NTRK3: variants seen among roughly 807,000 people sequenced by gnomAD.
NTRK3 encodes the protein neurotrophic receptor tyrosine kinase 3.
A neutral mutation model predicts 91.7 loss-of-function variants in NTRK3; 24 were observed. The ratio of observed to expected loss-of-function variants is 0.26; its 90% CI spans 0.19 to 0.37. NTRK3 has a LOEUF of 0.37. Among genes scored for constraint, NTRK3 ranks in the 10% least tolerant of loss-of-function variants. NTRK3 has a pLI of 1.00. For missense variants in NTRK3, 880 were observed against 1,068.9 expected (o/e 0.82, Z 2.46); for synonymous variants, 483 against 404.0 (o/e 1.20, Z -2.34).
At position 88,190,432 on chromosome 15, in the gene NTRK3, T is replaced by C. The variant is rs1597857725; in HGVS notation, c.249-6133A>G. Reference sequence around the variant, plus strand: ...GACCAGCCTAATGAGCCTGCCAGGCTGTAGCACAGCAAAACCCTCAGAAGC... The same window carrying C: ...GACCAGCCTAATGAGCCTGCCAGGCCGTAGCACAGCAAAACCCTCAGAAGC... On this transcript the variant is annotated intron_variant, in intron 3 of 18. Coordinates refer to ENST00000394480, the Ensembl canonical transcript of NTRK3. 2.0e-5 allele frequency among the ~76,000 whole-genome samples: 3 copies of C among 152,354 alleles called. No individual in the cohort carries two copies. The South Asian group carries it at 6.2e-4, about 32-fold the overall frequency.
intron 13 of NTRK3, among the ~76,000 whole-genome samples, chr15:88,121,159 C>T (rs1371140617): frequency 5.3e-5 from 8 of 152,134 alleles, no homozygotes; most frequent in African/African-American, 1.9e-4. Context: ...AATTATGATG[C>T]TCACCTTATA....
At chr15:88,033,992 G>T (rs1005711036) in intron 13 of NTRK3, among the ~76,000 whole-genome samples, 1 of 152,144 alleles carries the variant, frequency 6.6e-6, no homozygotes, top group African/African-American at 2.4e-5. Context: ...ACATCAGATT[G>T]TGAGAGCTCC....
intron 14 of NTRK3, among the ~76,000 whole-genome samples, chr15:87,967,536 T>C (rs745684104): frequency 2.0e-5 from 3 of 152,184 alleles, no homozygotes; most frequent in African/African-American, 4.8e-5. Context: ...TGATGCACAA[T>C]GAGAGCTACA....
At chr15:87,869,969 C>T (rs573974131) in exon 19 of NTRK3, 17 of 191,964 alleles carry the variant, frequency 8.9e-5, no homozygotes, top group Non-Finnish European at 1.3e-4. Context: ...AGTGTTTACA[C>T]GTCTTGTTGG....
intron 13 of NTRK3, among the ~76,000 whole-genome samples, chr15:88,104,076 T>C (rs1309981476): frequency 6.6e-6 from 1 of 152,228 alleles, no homozygotes; most frequent in Non-Finnish European, 1.5e-5. Flanking sequence ...ACATCTGCTT[T>C]GCCTCCAAAA....
At chr15:88,099,475 T>A (rs2049960866) in intron 13 of NTRK3, among the ~76,000 whole-genome samples, 1 of 152,154 alleles carries the variant, frequency 6.6e-6, no homozygotes, top group African/African-American at 2.4e-5. Context: ...AAAATTTAGA[T>A]CCTTCATTTT....
intron 14 of NTRK3, among the ~76,000 whole-genome samples, chr15:87,995,570 T>A (rs2075629329): frequency 6.6e-6 from 1 of 152,150 alleles, no homozygotes. Context: ...TGGGGGCAGA[T>A]CATGAAGGAA....
At chr15:87,922,477 A>G (rs1447026015) in intron 17 of NTRK3, among the ~76,000 whole-genome samples, 1 of 152,170 alleles carries the variant, frequency 6.6e-6, no homozygotes, top group Non-Finnish European at 1.5e-5. Context: ...TTCTCTCAGG[A>G]CTGACATGCT....
chr15:87,929,556 C>T (rs1254979993), intron 16 of NTRK3, 122 bp from the exon 17 acceptor site: 1 of 1,277,544 alleles, frequency 7.8e-7, no homozygotes, highest in Non-Finnish European at 1.1e-6. Flanking sequence ...CCCTTTCCAT[C>T]CTGCCTATGG....
chr15:87,977,956 G>A, intron 14 of NTRK3: 1 of 232,674 alleles, frequency 4.3e-6, no homozygotes, highest in Middle Eastern at 1.3e-3. Context: ...ACAACGGTGG[G>A]TTAAAACAAC....
intron 17 of NTRK3, among the ~76,000 whole-genome samples, chr15:87,891,117 T>C (rs2065839127): frequency 6.6e-6 from 1 of 152,092 alleles, no homozygotes; most frequent in South Asian, 2.1e-4. Flanking sequence ...ATATACAGTA[T>C]ATTAGAGAGA....
At chr15:87,940,994 A>G (rs1020303169) in intron 14 of NTRK3, among the ~76,000 whole-genome samples, 15 of 152,176 alleles carry the variant, frequency 9.9e-5, no homozygotes, top group African/African-American at 3.4e-4. Flanking sequence ...AAACCACAAC[A>G]TCCTCTGCTG....
intron 3 of NTRK3, among the ~76,000 whole-genome samples, chr15:88,226,636 G>C (rs980441847): frequency 6.6e-6 from 1 of 152,244 alleles, no homozygotes; most frequent in East Asian, 1.9e-4. Flanking sequence ...GGAGCACTGA[G>C]CCATCTCTGG....
rs2052212435 is a variant in NTRK3, at chr15:88,240,237, A to G, written c.248+15669T>C. Among the ~76,000 whole-genome samples, 1 of 151,964 alleles carries G rather than the reference A, an allele frequency of 6.6e-6. No individual in the cohort carries two copies. The highest frequency in any genetic ancestry group is 2.4e-5 in the African/African-American group (1 of 41,366). On this transcript the variant is annotated intron_variant, in intron 3 of 18. Coordinates refer to ENST00000394480, the Ensembl canonical transcript of NTRK3. This position sits in a 1 kb window ranked among gnomAD's most constrained non-coding sequence, Gnocchi z 4.9. ...TAGAAACATCACAAGTCAGAGCTGG[A>G]AGGGATCTCAAAGATCACCTAGTCC...
At chr15:87,979,521 A>G (rs1334679315) in intron 14 of NTRK3, 1 of 1,184,894 alleles carries the variant, frequency 8.4e-7, no homozygotes, top group Admixed American at 1.8e-5. Context: ...AAAAACCAAA[A>G]CCCCCAAAGA....
At chr15:87,959,511 C>A (rs1375174441) in intron 14 of NTRK3, among the ~76,000 whole-genome samples, 1 of 152,172 alleles carries the variant, frequency 6.6e-6, no homozygotes, top group African/African-American at 2.4e-5. Flanking sequence ...TAAATCAGGG[C>A]AGTGCCCAAC....
At chr15:88,079,934 T>A (rs2047898764) in intron 13 of NTRK3, among the ~76,000 whole-genome samples, 2 of 152,228 alleles carry the variant, frequency 1.3e-5, no homozygotes, top group African/African-American at 4.8e-5. Flanking sequence ...CAATATGGAT[T>A]TTTTGTTGTC....
chr15:88,101,212 G>A (rs2050139437), intron 13 of NTRK3, among the ~76,000 whole-genome samples: 1 of 152,214 alleles, frequency 6.6e-6, no homozygotes. Context: ...CGAAGGATAT[G>A]AATAGACACT....
chr15:87,897,122 C>A (rs900114610), intron 17 of NTRK3, among the ~76,000 whole-genome samples: 1 of 151,970 alleles, frequency 6.6e-6, no homozygotes, highest in Non-Finnish European at 1.5e-5. Flanking sequence ...TGGAGTCTTC[C>A]AAAAATACAA....
Sources: allele counts gnomAD v4.1 joint callset (sites outside exome capture counted in the v4.1 genomes callset), GRCh38; gene constraint gnomAD v4.1.1; non-coding constraint Gnocchi (gnomAD v3.1); transcripts MANE v1.5; gene names NCBI Gene and HGNC (gene_info 2026-07-23, HGNC 2026-07-21).